Variants in F13A1 observed in about 807,000 individuals in gnomAD.
F13A1 encodes coagulation factor XIII A chain.
F13A1 carries 47 observed loss-of-function variants against 80.1 expected under a neutral mutation model. The observed-to-expected ratio is 0.59, with a 90% confidence interval of 0.46 to 0.75. F13A1 has a LOEUF of 0.75. Ranked by LOEUF, F13A1 falls within the 30% of genes least tolerant of loss-of-function variation. The probability of loss-of-function intolerance (pLI) is 0.00; values close to 1 mark genes in which losing one functional copy is unlikely to be tolerated. For synonymous variants in F13A1, 349 were observed against 344.9 expected (o/e 1.01, Z -0.13); for missense variants, 817 against 930.4 (o/e 0.88, Z 1.59).
chr6:6,170,658 T>C (rs1282651144), intron 12 of F13A1, among the ~76,000 whole-genome samples: 1 of 152,110 alleles, frequency 6.6e-6, no homozygotes, highest in Non-Finnish European at 1.5e-5. Flanking sequence ...GATAGCACCT[T>C]TGAAGGTACG....
chr6:6,171,712 CAAAAT>C (rs1760778440), intron 12 of F13A1, among the ~76,000 whole-genome samples: 1 of 152,220 alleles, frequency 6.6e-6, no homozygotes, highest in African/African-American at 2.4e-5. Context: ...TCAGCTCACT[CAAAAT>C]AAAAACCAAA....
intron 4 of F13A1, among the ~76,000 whole-genome samples, chr6:6,252,909 A>G (rs1757652639): frequency 6.6e-6 from 1 of 152,164 alleles, no homozygotes; most frequent in South Asian, 2.1e-4. Flanking sequence ...TTGTAATCCC[A>G]GCACTTTGGG....
intron 10 of F13A1, among the ~76,000 whole-genome samples, chr6:6,183,658 A>G (rs904474945): frequency 2.0e-5 from 3 of 152,234 alleles, no homozygotes; most frequent in Non-Finnish European, 4.4e-5. Context: ...AAGAATAAGT[A>G]CAAGATACTT....
At chr6:6,181,039 G>A (rs375291202) in intron 11 of F13A1, among the ~76,000 whole-genome samples, 3 of 152,168 alleles carry the variant, frequency 2.0e-5, no homozygotes, top group Admixed American at 1.3e-4. Context: ...CGGTCCTCCA[G>A]TTCTGGCCAC....
intron 3 of F13A1, 61 bp downstream of exon 3, chr6:6,305,290 C>G: frequency 6.3e-7 from 1 of 1,577,634 alleles, no homozygotes; most frequent in Non-Finnish European, 8.7e-7. Flanking sequence ...TGTGCCTGTA[C>G]CCACCTCTCT....
intron 10 of F13A1, among the ~76,000 whole-genome samples, chr6:6,189,843 C>T (rs1370062687): frequency 3.3e-5 from 5 of 152,076 alleles, no homozygotes; most frequent in South Asian, 2.1e-4. Context: ...CCATTCTCCC[C>T]ATCACTTTCA....
At chr6:6,204,498 T>C (rs1761452733) in intron 8 of F13A1, among the ~76,000 whole-genome samples, 1 of 152,262 alleles carries the variant, frequency 6.6e-6, no homozygotes, top group Admixed American at 6.5e-5. Context: ...CCTACCTCTC[T>C]GGTTCTGCTA....
At chr6:6,171,953 A>G (rs1482155414) in intron 12 of F13A1, among the ~76,000 whole-genome samples, 1 of 152,048 alleles carries the variant, frequency 6.6e-6, no homozygotes, top group East Asian at 1.9e-4. Context: ...TTTTCTGACC[A>G]TCTCCACAGG....
At chr6:6,316,077 G>GCATATATA (rs1758676096) in intron 2 of F13A1, among the ~76,000 whole-genome samples, 3 of 49,650 alleles carry the variant, frequency 6.0e-5, no homozygotes, top group African/African-American at 2.1e-4. Context: ...ATGTGTGTGT[G>GCATATATA]CATATATATA....
chr6:6,245,709 A>G (rs990901140), intron 6 of F13A1, among the ~76,000 whole-genome samples: 1 of 152,102 alleles, frequency 6.6e-6, no homozygotes, highest in African/African-American at 2.4e-5. Flanking sequence ...GTCCCCACCC[A>G]GCTCCACTCT....
chr6:6,169,728 TC>T (rs1370408513), intron 12 of F13A1, among the ~76,000 whole-genome samples: 13 of 152,322 alleles, frequency 8.5e-5, no homozygotes, highest in African/African-American at 2.9e-4. Context: ...CAGTTAAACA[TC>T]CTACAATGCA....
intron 6 of F13A1, among the ~76,000 whole-genome samples, chr6:6,244,942 A>G (rs1757534639): frequency 6.6e-6 from 1 of 152,202 alleles, no homozygotes; most frequent in African/African-American, 2.4e-5. Context: ...AGGTGAGAAG[A>G]GAGTGTTACT....
chr6:6,191,188 C>T lies in F13A1; in HGVS notation c.1305+4609G>A, dbSNP rs147254700. Among the ~76,000 whole-genome samples, 1,321 of 152,176 alleles carry T rather than the reference C, an allele frequency of 8.7e-3. 16 individuals are homozygous for T. Among genetic ancestry groups the T allele is most frequent in the African/African-American group, 0.03 (1,259 of 41,548 alleles). On this transcript the variant is annotated intron_variant, in intron 10 of 14. Transcript: ENST00000264870. ...AAATGCAGAAATCACCAGTCTTCTG[C>T]GTCACTCATGCTGGGAGCTGTAGAC... is the stretch of plus-strand genomic sequence containing the variant.
intron 8 of F13A1, among the ~76,000 whole-genome samples, chr6:6,201,701 G>GT (rs1360780046): frequency 6.6e-6 from 1 of 151,586 alleles, no homozygotes; most frequent in African/African-American, 2.4e-5. Context: ...TTATTTTCCT[G>GT]TTTTTTGTTT....
At chr6:6,254,051 C>T (rs750158496) in intron 4 of F13A1, among the ~76,000 whole-genome samples, 4 of 152,092 alleles carry the variant, frequency 2.6e-5, no homozygotes, top group Non-Finnish European at 5.9e-5. Flanking sequence ...AAATGCTCAA[C>T]TCCACTAACA....
chr6:6,211,389 T>G (rs1374693019), intron 8 of F13A1, among the ~76,000 whole-genome samples: 2 of 152,238 alleles, frequency 1.3e-5, no homozygotes, highest in African/African-American at 4.8e-5. Context: ...GAAATATGGT[T>G]AACAAGAAAA....
At chr6:6,212,510 A>G (rs1300416283) in intron 8 of F13A1, among the ~76,000 whole-genome samples, 1 of 152,244 alleles carries the variant, frequency 6.6e-6, no homozygotes, top group African/African-American at 2.4e-5. Flanking sequence ...AAGGACATCC[A>G]CACCAAAAAC....
rs866809253 is a variant in F13A1 at position 6,186,260 on chromosome 6, C to T, written c.1306-4119G>A. Reference sequence around the variant, plus strand: ...CATTTGTCAATTTTGGCTTTTGTTGCCATTGCTTTTGGTGTTTTAGACATG... The same window carrying T: ...CATTTGTCAATTTTGGCTTTTGTTGTCATTGCTTTTGGTGTTTTAGACATG... On this transcript the variant is annotated intron_variant, in intron 10 of 14. Coordinates refer to ENST00000264870, the MANE Select transcript of F13A1 (RefSeq NM_000129.4). 4.0e-3 allele frequency among the ~76,000 whole-genome samples: 611 copies of T among 151,476 alleles called. 4 individuals are homozygous for T. Among genetic ancestry groups the T allele is most frequent in the African/African-American group, 0.013 (545 of 41,516 alleles).
At chr6:6,299,658 T>A (rs1758389888) in intron 3 of F13A1, among the ~76,000 whole-genome samples, 2 of 139,916 alleles carry the variant, frequency 1.4e-5, no homozygotes, top group African/African-American at 6.1e-5. Flanking sequence ...TTCTAAATTT[T>A]TTTCAAAGTT....
Sources: allele counts gnomAD v4.1 joint callset (sites outside exome capture counted in the v4.1 genomes callset), GRCh38; gene constraint gnomAD v4.1.1; transcripts MANE v1.5; gene names NCBI Gene and HGNC (gene_info 2026-07-23, HGNC 2026-07-21).